Variants in ART3 observed in about 807,000 individuals in gnomAD.
The protein encoded by ART3 is ADP-ribosyltransferase 3 (inactive).
In ART3, 49 loss-of-function variants were observed where a neutral mutation model predicts 48.5. The ratio of observed to expected loss-of-function variants is 1.01; its 90% CI spans 0.80 to 1.28. ART3 has a LOEUF of 1.28. Among genes scored for constraint, ART3 ranks in the 50% most tolerant of loss-of-function variants. The probability of loss-of-function intolerance (pLI) is 0.00; values close to 1 mark genes in which losing one functional copy is unlikely to be tolerated. For synonymous variants in ART3, 145 were observed against 157.2 expected, an observed-to-expected ratio of 0.92 and a Z score of 0.58; for missense variants, 438 against 454.3, an observed-to-expected ratio of 0.96 and a Z score of 0.33.
intron 11 of ART3, among the ~76,000 whole-genome samples, chr4:76,108,538 C>G (rs1373027979): frequency 6.6e-6 from 1 of 150,942 alleles, no homozygotes; most frequent in African/African-American, 2.5e-5. Flanking sequence ...TCTACCTCCA[C>G]TCCACTGTTA....
At chr4:76,011,862 A>C (rs914875208) in intron 1 of ART3, among the ~76,000 whole-genome samples, 1 of 152,228 alleles carries the variant, frequency 6.6e-6, no homozygotes, top group Non-Finnish European at 1.5e-5. Flanking sequence ...ACATTCTCTC[A>C]GGAAGCAGGC....
Position 76,107,791 on chromosome 4 carries a change from C to T in ART3, c.1034C>T (p.Pro345Leu). The stretch of plus-strand genomic sequence containing the variant: ...AAAAGTCAAGGAAATATCAACAATC[C>T]TAGTAAGAAGTATCTCATTTCCTCA... Reference protein sequence around the residue: ...EDKSQGNINNPTPGPVPVPGP... With the variant: ...EDKSQGNINNLTPGPVPVPGP... Residue 345 changes from proline (P) to leucine (L), a missense_variant and splice_region_variant, in exon 11 of 12, where the codon CCT becomes CTT. Physicochemically the swap from Pro to Leu is moderately conservative, Grantham distance 98 (BLOSUM62 -3). Around this residue, in one of 3 missense-constraint regions of ART3, gnomAD observed 227 missense variants for 229.6 expected, o/e 0.99. Coordinates refer to ENST00000355810, the MANE Select transcript of ART3 (RefSeq NM_001130016.3). The T allele has an allele frequency of 6.8e-7, 1 of 1,473,624 alleles. No homozygotes were observed. The highest frequency in any genetic ancestry group is 9.2e-7 in the Non-Finnish European group (1 of 1,085,852). The allele number at this position is 1,473,624 out of a possible 1,614,324, so 91.3% of individuals were successfully genotyped here.
chr4:76,105,991 C>T (rs1728384676), intron 10 of ART3: 1 of 985,250 alleles, frequency 1.0e-6, no homozygotes, highest in East Asian at 1.1e-4. Flanking sequence ...TTTGTTGGGA[C>T]TACAGTGTAT....
intron 3 of ART3, among the ~76,000 whole-genome samples, chr4:76,094,460 G>A (rs1725584443): frequency 6.6e-6 from 1 of 152,116 alleles, no homozygotes; most frequent in Non-Finnish European, 1.5e-5. Flanking sequence ...TGTGTGCATG[G>A]TAATTTTATA....
chr4:76,029,531 G>A (rs1343377760), intron 1 of ART3, among the ~76,000 whole-genome samples: 2 of 152,042 alleles, frequency 1.3e-5, no homozygotes, highest in Non-Finnish European at 2.9e-5. Flanking sequence ...GCAAGAAGAA[G>A]CAACTAAAAT....
At chr4:76,049,711 A>T (rs1448735482) in intron 1 of ART3, among the ~76,000 whole-genome samples, 1 of 151,900 alleles carries the variant, frequency 6.6e-6, no homozygotes, top group Non-Finnish European at 1.5e-5. Context: ...GCTTGGCGAT[A>T]GGCGATTGTC....
At chr4:76,087,357 A>T (rs1723831380) in intron 3 of ART3, among the ~76,000 whole-genome samples, 1 of 152,162 alleles carries the variant, frequency 6.6e-6, no homozygotes, top group Non-Finnish European at 1.5e-5. Flanking sequence ...CCTGGGCTGG[A>T]GTCCTCTGCC....
At chr4:76,069,975 C>T (rs147877565), upstream of ART3, among the ~76,000 whole-genome samples, 911 of 152,108 alleles carry the variant, frequency 6.0e-3, 7 homozygotes, top group Middle Eastern at 0.051. Flanking sequence ...GGGGAAATTT[C>T]TGGATCATGT....
chr4:76,075,784 A>T, intron 1 of ART3, 97 bp from the exon 2 acceptor site: 1 of 893,248 alleles, frequency 1.1e-6, no homozygotes, highest in Non-Finnish European at 1.7e-6. Context: ...CTATCCACTC[A>T]CATTCTAAAT....
chr4:76,111,203 G>A (rs1276451589), intron 11 of ART3, among the ~76,000 whole-genome samples: 1 of 151,666 alleles, frequency 6.6e-6, no homozygotes, highest in Non-Finnish European at 1.5e-5. Flanking sequence ...GCACATCACA[G>A]CAAAAAGTGA....
chr4:76,076,567 G>A (rs565638521), intron 2 of ART3, among the ~76,000 whole-genome samples: 70 of 152,208 alleles, frequency 4.6e-4, no homozygotes, highest in Non-Finnish European at 9.0e-4. Context: ...TGTGTATACT[G>A]TTTTTAATTT....
chr4:76,096,009 G>A (rs1377649735), intron 3 of ART3, among the ~76,000 whole-genome samples: 3 of 151,790 alleles, frequency 2.0e-5, no homozygotes, highest in Non-Finnish European at 4.4e-5. Context: ...TGCAAACTCT[G>A]CCTCCCATGT....
At chr4:76,053,318 C>G (rs916066875) in intron 1 of ART3, among the ~76,000 whole-genome samples, 1 of 152,104 alleles carries the variant, frequency 6.6e-6, no homozygotes, top group Non-Finnish European at 1.5e-5. Flanking sequence ...TTAACTACAG[C>G]TCTCTCATTT....
intron 8 of ART3, among the ~76,000 whole-genome samples, 161 bp from the exon 9 acceptor site, chr4:76,103,776 G>A (rs1423407249): frequency 6.6e-6 from 1 of 151,898 alleles, no homozygotes; most frequent in Non-Finnish European, 1.5e-5. Flanking sequence ...GGAGAATGAA[G>A]AGCCATTGAA....
intron 1 of ART3, among the ~76,000 whole-genome samples, chr4:76,020,677 T>A (rs900644461): frequency 4.6e-5 from 7 of 152,090 alleles, no homozygotes; most frequent in African/African-American, 1.7e-4. Context: ...GATATTCAAG[T>A]GGACATGTCT....
At chr4:76,054,300 G>T (rs1718464324) in intron 1 of ART3, among the ~76,000 whole-genome samples, 1 of 152,038 alleles carries the variant, frequency 6.6e-6, no homozygotes, top group Admixed American at 6.5e-5. Context: ...GGATTTATTT[G>T]TATTTTTAAA....
intron 1 of ART3, among the ~76,000 whole-genome samples, chr4:76,039,984 A>G (rs1482376248): frequency 2.0e-5 from 3 of 152,244 alleles, no homozygotes; most frequent in African/African-American, 4.8e-5. Flanking sequence ...TTTATTTTCT[A>G]TTGTTTTATT....
intron 3 of ART3, among the ~76,000 whole-genome samples, chr4:76,085,933 G>T (rs893464605): frequency 6.6e-6 from 1 of 152,036 alleles, no homozygotes; most frequent in Non-Finnish European, 1.5e-5. Flanking sequence ...TTAGCCAGGC[G>T]TGGTGCCACG....
intron 1 of ART3, among the ~76,000 whole-genome samples, chr4:76,027,302 T>A (rs1397194534): frequency 6.6e-6 from 1 of 151,086 alleles, no homozygotes; most frequent in Non-Finnish European, 1.5e-5. Flanking sequence ...ACCAAATGAG[T>A]GGTATAGAAA....
Sources: allele counts gnomAD v4.1 joint callset (sites outside exome capture counted in the v4.1 genomes callset), GRCh38; gene constraint gnomAD v4.1.1; regional missense constraint gnomAD v4.1.1; transcripts MANE v1.5; gene names NCBI Gene and HGNC (gene_info 2026-07-23, HGNC 2026-07-21).